UBP1: variants seen among roughly 807,000 people sequenced by gnomAD.
UBP1 encodes the protein upstream binding protein 1.
A neutral mutation model predicts 76.1 loss-of-function variants in UBP1; 22 were observed. That is an observed-to-expected ratio of 0.29 (90% confidence interval 0.21 to 0.41). The LOEUF is 0.41. Ranked by LOEUF, UBP1 falls within the 10% of genes least tolerant of loss-of-function variation. The pLI is 1.00. For missense variants in UBP1, 436 were observed against 668.1 expected, an observed-to-expected ratio of 0.65 and a Z score of 3.83; for synonymous variants, 224 against 237.1, an observed-to-expected ratio of 0.94 and a Z score of 0.51.
chr3:33,418,860 CAAAAA>C (rs59774815), intron 2 of UBP1, among the ~76,000 whole-genome samples: 2 of 76,766 alleles, frequency 2.6e-5, no homozygotes, highest in Admixed American at 1.5e-4. Context: ...ACTCTGTCTC[CAAAAA>C]AAAAAAAAAA....
At chr3:33,401,738 A>C (rs1424495331) in intron 9 of UBP1, among the ~76,000 whole-genome samples, 1 of 152,230 alleles carries the variant, frequency 6.6e-6, no homozygotes, top group Non-Finnish European at 1.5e-5. Flanking sequence ...ATGTATCAGA[A>C]CACTTAGAAC....
intron 3 of UBP1, among the ~76,000 whole-genome samples, chr3:33,413,710 G>A (rs1210610251): frequency 6.6e-6 from 1 of 152,094 alleles, no homozygotes; most frequent in African/African-American, 2.4e-5. Flanking sequence ...TTTTCTTTGA[G>A]ATAAAGAGTA....
At chr3:33,436,433 G>A (rs756078075) in intron 1 of UBP1, among the ~76,000 whole-genome samples, 1 of 152,206 alleles carries the variant, frequency 6.6e-6, no homozygotes, top group African/African-American at 2.4e-5. Context: ...AACTATGGAT[G>A]TACCTCCCAT....
intron 1 of UBP1, among the ~76,000 whole-genome samples, chr3:33,438,705 G>T (rs1249599284): frequency 1.3e-5 from 2 of 152,038 alleles, no homozygotes; most frequent in East Asian, 3.8e-4. Flanking sequence ...GTTCTTTATG[G>T]CTCAGAATTT....
At chr3:33,393,526 G>A (rs949830082) in intron 13 of UBP1, 72 bp from the exon 14 acceptor site, 12 of 1,480,116 alleles carry the variant, frequency 8.1e-6, no homozygotes, top group South Asian at 5.3e-5. Context: ...TGATCTGTAG[G>A]ATCTGTACGA....
At chr3:33,411,819 C>T in intron 4 of UBP1, 132 bp from the exon 5 acceptor site, 1 of 681,092 alleles carries the variant, frequency 1.5e-6, no homozygotes, top group South Asian at 1.9e-5. Context: ...TCTCCATGAT[C>T]AACTTCTTCA....
At chr3:33,418,963 C>A (rs1413658623) in intron 2 of UBP1, among the ~76,000 whole-genome samples, 2 of 151,522 alleles carry the variant, frequency 1.3e-5, no homozygotes, top group East Asian at 1.9e-4. Context: ...AAAGGAAATG[C>A]CAACAGTTCT....
At chr3:33,416,943 TGTTA>T in intron 2 of UBP1, 109 bp from the exon 3 acceptor site, 2 of 948,940 alleles carry the variant, frequency 2.1e-6, no homozygotes, top group Non-Finnish European at 1.6e-6. Context: ...AATGATAGTT[TGTTA>T]ATTTGCTACG....
At chr3:33,416,682 AAATT>A (rs1450934533) in intron 3 of UBP1, 72 bp downstream of exon 3, 2 of 1,169,672 alleles carry the variant, frequency 1.7e-6, no homozygotes, top group Admixed American at 2.4e-5. Flanking sequence ...TATTGAAGTG[AAATT>A]AATTTTTTTT....
intron 1 of UBP1, among the ~76,000 whole-genome samples, chr3:33,435,266 A>T (rs1173564547): frequency 6.6e-6 from 1 of 152,222 alleles, no homozygotes; most frequent in Non-Finnish European, 1.5e-5. Context: ...CTTCATGAAA[A>T]GATTCTAAGG....
intron 8 of UBP1, among the ~76,000 whole-genome samples, chr3:33,404,462 A>G (rs2044360519): frequency 6.7e-6 from 1 of 150,130 alleles, no homozygotes; most frequent in Non-Finnish European, 1.5e-5. Context: ...ACTCTCCCAA[A>G]GCCAAGCTAA....
chr3:33,439,950 T>G lies in UBP1; in HGVS notation c.-102A>C. 1 of 1,308,856 alleles carries G rather than the reference T, an allele frequency of 7.6e-7. No homozygotes were observed. Among genetic ancestry groups the G allele is most frequent in the Non-Finnish European group, 1.1e-6 (1 of 952,028 alleles). 81.1% of individuals were successfully genotyped at this position (1,308,856 alleles called of 1,614,324 possible). On this transcript the variant is annotated 5_prime_UTR_variant, in exon 1 of 16. Coordinates refer to ENST00000283629, the MANE Select transcript of UBP1 (RefSeq NM_014517.5). ...CCTGGGGGAGGGCGCGGGTGAAGCC[T>G]CCGGAGGGGCGGCGAGTGGTCACCA...
intron 2 of UBP1, among the ~76,000 whole-genome samples, chr3:33,420,911 T>C (rs1026417813): frequency 6.6e-6 from 1 of 152,128 alleles, no homozygotes; most frequent in African/African-American, 2.4e-5. Context: ...GGTGGGTTAA[T>C]TAACATTCTT....
In UBP1 at chr3:33,423,782, G is replaced by C. The variant is rs114323083; in HGVS notation, c.265+1808C>G. Among the ~76,000 whole-genome samples the C allele has an allele frequency of 1.4e-3, 213 of 152,340 alleles. 1 individual carries two copies. The highest frequency in any genetic ancestry group is 4.8e-3 in the African/African-American group (199 of 41,582). On this transcript the variant is annotated intron_variant, in intron 2 of 15. Transcript: ENST00000283629. ...TGAATAAATCTCTCCTAGAGTTACT[G>C]TGAGAACTGAATAAGGTTAACACAT...
chr3:33,439,597 C>T, intron 1 of UBP1, 139 bp downstream of exon 1: 1 of 903,868 alleles, frequency 1.1e-6, no homozygotes, highest in Non-Finnish European at 1.6e-6. Flanking sequence ...GGCCCCCGAC[C>T]GCCACGCGGC....
chr3:33,408,650 G>C, intron 8 of UBP1, 40 bp downstream of exon 8: 1 of 1,563,034 alleles, frequency 6.4e-7, no homozygotes, highest in Non-Finnish European at 8.7e-7. Context: ...CACTGCACAA[G>C]GTTTCTTGCA....
chr3:33,409,658 A>G (rs577201142), intron 5 of UBP1, 57 bp from the exon 6 acceptor site: 3 of 1,610,066 alleles, frequency 1.9e-6, no homozygotes, highest in African/African-American at 2.7e-5. Flanking sequence ...TTATTTTTCT[A>G]TTTTGTTCCC....
intron 4 of UBP1, among the ~76,000 whole-genome samples, chr3:33,412,073 G>A (rs1439106789): frequency 6.6e-6 from 1 of 151,426 alleles, no homozygotes; most frequent in Non-Finnish European, 1.5e-5. Flanking sequence ...TGTAGTCCCA[G>A]CTACTCAAAA....
At chr3:33,397,014 AT>A (rs1246901508) in intron 12 of UBP1, 30 bp downstream of exon 12, 1 of 1,573,034 alleles carries the variant, frequency 6.4e-7, no homozygotes, top group African/African-American at 1.4e-5. Context: ...GTACATTCTT[AT>A]TTCAAGCAAA....
Sources: allele counts gnomAD v4.1 joint callset (sites outside exome capture counted in the v4.1 genomes callset), GRCh38; gene constraint gnomAD v4.1.1; transcripts MANE v1.5; gene names NCBI Gene and HGNC (gene_info 2026-07-23, HGNC 2026-07-21).